ADAM10: variants seen among roughly 807,000 people sequenced by gnomAD.
The protein encoded by ADAM10 is ADAM metallopeptidase domain 10.
Under a neutral mutation model 90.1 loss-of-function variants are expected in ADAM10, and 17 were observed. The ratio of observed to expected loss-of-function variants is 0.19; its 90% CI spans 0.13 to 0.28. The LOEUF (loss-of-function observed/expected upper bound fraction) is 0.28. Among genes scored for constraint, ADAM10 ranks in the 10% least tolerant of loss-of-function variants. The pLI is 1.00. For synonymous variants in ADAM10, 310 were observed against 298.6 expected (o/e 1.04, Z -0.40); for missense variants, 610 against 914.3 (o/e 0.67, Z 4.29).
intron 11 of ADAM10, among the ~76,000 whole-genome samples, chr15:58,614,751 ACC>A (rs1231168103): frequency 2.0e-5 from 3 of 152,182 alleles, no homozygotes; most frequent in Non-Finnish European, 2.9e-5. Flanking sequence ...GGATTCCTGC[ACC>A]TGGAAGCAAA....
intron 2 of ADAM10, among the ~76,000 whole-genome samples, chr15:58,684,547 G>A (rs1897534192): frequency 6.6e-6 from 1 of 152,220 alleles, no homozygotes; most frequent in Non-Finnish European, 1.5e-5. Flanking sequence ...AGCTTCCAGG[G>A]TTGAACACAC....
At chr15:58,617,317 T>C (rs1053715298) in intron 11 of ADAM10, among the ~76,000 whole-genome samples, 1 of 151,986 alleles carries the variant, frequency 6.6e-6, no homozygotes, top group Non-Finnish European at 1.5e-5. Context: ...TGCCAATAAA[T>C]GGGAAAACCG....
intron 1 of ADAM10, chr15:58,733,029 A>G (rs760484297): frequency 1.3e-5 from 2 of 152,368 alleles, no homozygotes; most frequent in Non-Finnish European, 2.9e-5. Flanking sequence ...TTGGCACATG[A>G]AAGTTCACAC....
chr15:58,615,222 C>A lies in ADAM10; in HGVS notation c.1512-3231G>T, dbSNP rs540662694. 1.5e-3 allele frequency among the ~76,000 whole-genome samples: 216 copies of A among 139,550 alleles called. 5 individuals carry two copies. In the South Asian group the frequency reaches 0.049, roughly 32 times the overall value. 91.6% of individuals were successfully genotyped at this position (139,550 alleles called of 152,430 possible). The stretch of plus-strand genomic sequence containing the variant: ...CCAGGAGGCGGAGCTTGTGGTGAGC[C>A]AAGATTGCACCACTGCACTCGAGCC... On this transcript the variant is annotated intron_variant, in intron 11 of 15. Transcript: ENST00000260408.
chr15:58,680,423 T>C (rs902225697), intron 3 of ADAM10, among the ~76,000 whole-genome samples: 1 of 152,166 alleles, frequency 6.6e-6, no homozygotes, highest in Non-Finnish European at 1.5e-5. Context: ...ACGCCCAGCC[T>C]ATAAACACAT....
At chr15:58,733,887 C>T (rs1304276894) in intron 1 of ADAM10, among the ~76,000 whole-genome samples, 1 of 148,582 alleles carries the variant, frequency 6.7e-6, no homozygotes, top group Non-Finnish European at 1.5e-5. Flanking sequence ...AATAGAATAT[C>T]TTTAGTTTTT....
At chr15:58,628,483 TAAAC>T (rs1896010997) in intron 9 of ADAM10, among the ~76,000 whole-genome samples, 1 of 152,182 alleles carries the variant, frequency 6.6e-6, no homozygotes, top group African/African-American at 2.4e-5. Flanking sequence ...CTTTGCCAAA[TAAAC>T]AGAGTTCTGT....
intron 5 of ADAM10, among the ~76,000 whole-genome samples, chr15:58,660,802 GA>G (rs1264584474): frequency 6.6e-6 from 1 of 152,034 alleles, no homozygotes; most frequent in African/African-American, 2.4e-5. Flanking sequence ...AACTTTTTCT[GA>G]AAAGGCCTAA....
chr15:58,592,778 C>T lies in ADAM10; in HGVS notation c.*4769G>A, dbSNP rs753294513. 71 of 148,688 alleles carry T rather than the reference C, an allele frequency of 4.8e-4. No individual in the cohort carries two copies. The highest frequency in any genetic ancestry group is 8.0e-4 in the Non-Finnish European group (54 of 67,280). The allele number at this position is 148,688 out of a possible 1,614,324, so 9.2% of individuals were successfully genotyped here. On this transcript the variant is annotated 3_prime_UTR_variant, in exon 16 of 16. Coordinates refer to ENST00000260408, the MANE Select transcript of ADAM10 (RefSeq NM_001110.4). ...ATATATATATATATATATATTAAAT[C>T]GTGGTAGTATAACTTGGTACATCTA... is the stretch of plus-strand genomic sequence containing the variant.
chr15:58,603,972 GA>G (rs1211437757), intron 14 of ADAM10, among the ~76,000 whole-genome samples: 1 of 144,138 alleles, frequency 6.9e-6, no homozygotes, highest in African/African-American at 2.6e-5. Context: ...AAAAAAAGTA[GA>G]AAAAAATGTT....
At chr15:58,738,858 CA>C (rs1396926524) in intron 1 of ADAM10, among the ~76,000 whole-genome samples, 3 of 151,882 alleles carry the variant, frequency 2.0e-5, no homozygotes, top group Non-Finnish European at 4.4e-5. Flanking sequence ...ATCTTTTATA[CA>C]ATTTCTAATA....
At chr15:58,692,267 C>T in intron 2 of ADAM10, 2 of 604,892 alleles carry the variant, frequency 3.3e-6, no homozygotes, top group South Asian at 2.7e-5. Context: ...GCCAAGTGGT[C>T]TTCCCAGGCA....
At chr15:58,713,306 A>G (rs1898536537) in intron 2 of ADAM10, among the ~76,000 whole-genome samples, 1 of 152,042 alleles carries the variant, frequency 6.6e-6, no homozygotes, top group Non-Finnish European at 1.5e-5. Context: ...GGATCTTGCC[A>G]TGTTGCCCAG....
intron 2 of ADAM10, among the ~76,000 whole-genome samples, chr15:58,707,989 A>G (rs1414598612): frequency 6.6e-6 from 1 of 152,156 alleles, no homozygotes; most frequent in Non-Finnish European, 1.5e-5. Context: ...AGGCACAAGG[A>G]TCACTGGAAC....
chr15:58,670,039 A>C (rs969500624), intron 4 of ADAM10, among the ~76,000 whole-genome samples: 3 of 152,080 alleles, frequency 2.0e-5, no homozygotes, highest in Admixed American at 6.6e-5. Flanking sequence ...ATAGTTTCAC[A>C]GACATAAACA....
intron 2 of ADAM10, among the ~76,000 whole-genome samples, chr15:58,714,039 C>T (rs1208988057): frequency 1.3e-5 from 2 of 151,848 alleles, no homozygotes; most frequent in Admixed American, 6.6e-5. Flanking sequence ...CTCTTGACCT[C>T]GTGATCCACC....
intron 2 of ADAM10, among the ~76,000 whole-genome samples, chr15:58,700,250 G>C (rs1898094822): frequency 6.6e-6 from 1 of 152,140 alleles, no homozygotes. Flanking sequence ...AGGCCTAAAA[G>C]ACATTTACAG....
At chr15:58,693,140 C>A in intron 2 of ADAM10, 1 of 736,870 alleles carries the variant, frequency 1.4e-6, no homozygotes. Context: ...TGGGCAATTT[C>A]TGCCTAAAAG....
At chr15:58,636,671 AGAGC>A (rs1378085024) in intron 8 of ADAM10, among the ~76,000 whole-genome samples, 4 of 152,198 alleles carry the variant, frequency 2.6e-5, no homozygotes, top group Non-Finnish European at 5.9e-5. Context: ...GGATAGTTTG[AGAGC>A]TAAAGTTAGA....
Sources: gnomAD v4.1 joint callset for allele counts (sites outside exome capture counted in the v4.1 genomes callset) on GRCh38, gnomAD v4.1.1 for gene constraint, MANE v1.5 for transcripts, NCBI Gene and HGNC (gene_info 2026-07-23, HGNC 2026-07-21) for gene names.